Variants in TCERG1L observed in about 807,000 individuals in gnomAD.
The protein encoded by TCERG1L is transcription elongation regulator 1-like protein.
Under a neutral mutation model 56.3 loss-of-function variants are expected in TCERG1L, and 37 were observed. That is an observed-to-expected ratio of 0.66 (90% CI 0.51 to 0.87). The LOEUF (loss-of-function observed/expected upper bound fraction) is 0.87, where lower values mean the gene tolerates loss of function less well. Among genes scored for constraint, TCERG1L ranks in the 40% least tolerant of loss-of-function variants. TCERG1L has a pLI of 0.00. For missense variants in TCERG1L, 799 were observed against 774.2 expected, an observed-to-expected ratio of 1.03 and a Z score of -0.38; for synonymous variants, 324 against 326.3, an observed-to-expected ratio of 0.99 and a Z score of 0.08.
At chr10:131,309,119 G>A in intron 2 of TCERG1L, 34 bp downstream of exon 2, 1 of 1,584,430 alleles carries the variant, frequency 6.3e-7, no homozygotes, top group South Asian at 1.2e-5. Context: ...ATCATTAAAA[G>A]CCCCTTATCC....
intron 4 of TCERG1L, among the ~76,000 whole-genome samples, chr10:131,211,260 T>A (rs899030556): frequency 5.9e-5 from 9 of 152,318 alleles, no homozygotes; most frequent in Admixed American, 5.9e-4. Context: ...AGGAGGACTG[T>A]CCCTGGCCTT....
At chr10:131,241,166 C>T (rs892879377) in intron 4 of TCERG1L, among the ~76,000 whole-genome samples, 2 of 152,092 alleles carry the variant, frequency 1.3e-5, no homozygotes, top group Non-Finnish European at 2.9e-5. Flanking sequence ...GTGGAGGAGC[C>T]GCCCGCACGC....
intron 4 of TCERG1L, among the ~76,000 whole-genome samples, chr10:131,259,695 G>A (rs1846213172): frequency 6.6e-6 from 1 of 152,234 alleles, no homozygotes; most frequent in South Asian, 2.1e-4. Context: ...TCTCAGAAAG[G>A]GAGCACGTCT....
At chr10:131,308,018 C>T (rs1846833426) in intron 3 of TCERG1L, among the ~76,000 whole-genome samples, 193 bp downstream of exon 3, 1 of 152,086 alleles carries the variant, frequency 6.6e-6, no homozygotes, top group Non-Finnish European at 1.5e-5. Flanking sequence ...TATCCACCCA[C>T]CCCAGAAAAA....
At chr10:131,152,541 A>T (rs1457938618) in intron 6 of TCERG1L, among the ~76,000 whole-genome samples, 2 of 152,130 alleles carry the variant, frequency 1.3e-5, no homozygotes, top group Non-Finnish European at 2.9e-5. Context: ...GAGCCCTCCA[A>T]GTCTCTAGGA....
chr10:131,285,501 AAAGAAAGAAAGAAAGAAAGAAAGAGAG>A lies in TCERG1L; in HGVS notation c.670+22683_670+22709del, dbSNP rs772782002. Among the ~76,000 whole-genome samples the A allele has an allele frequency of 1.7e-3, 65 of 37,830 alleles. 3 individuals carry two copies. The highest frequency in any genetic ancestry group is 2.4e-3 in the South Asian group (4 of 1,672). 24.8% of individuals were successfully genotyped at this position (37,830 alleles called of 152,430 possible). On this transcript the variant is annotated intron_variant, in intron 3 of 11. Transcript: ENST00000368642. The stretch of plus-strand genomic sequence containing the variant: ...GAAAGAAAGAAAGAAAGAAAGAAAG[AAAGAAAGAAAGAAAGAAAGAAAGAGAG>A]AAAGAAAAGAAAAGAAAGAAAGGAA...
rs1024003650 is a variant in TCERG1L at position 131,261,468 on chromosome 10, C to T, written c.671-1024G>A. Among the ~76,000 whole-genome samples the T allele has an allele frequency of 4.6e-5, 7 of 152,206 alleles. 1 individual carries two copies. Among genetic ancestry groups the T allele is most frequent in the Admixed American group, 2.6e-4 (4 of 15,280 alleles). On this transcript the variant is annotated intron_variant, in intron 3 of 11. Coordinates refer to ENST00000368642, the MANE Select transcript of TCERG1L (RefSeq NM_174937.4). ...GCTAGAAATATCAGCAAAAGCAGGA[C>T]GGCTGCATGAAGGATGGTGCGCTGT...
chr10:131,115,728 G>A (rs551393749), intron 9 of TCERG1L, among the ~76,000 whole-genome samples: 1 of 152,306 alleles, frequency 6.6e-6, no homozygotes, highest in South Asian at 2.1e-4. Context: ...CCTAGGGGTG[G>A]GTGGGACCAG....
chr10:131,253,536 G>A lies in TCERG1L; in HGVS notation c.856+6723C>T, dbSNP rs76804173. Among the ~76,000 whole-genome samples the A allele has an allele frequency of 8.6e-4, 131 of 152,290 alleles. 1 individual carries two copies. The East Asian group carries it at 0.021, about 24-fold the overall frequency. On this transcript the variant is annotated intron_variant, in intron 4 of 11. Transcript: ENST00000368642. ...CCTGAGCTTCCCATCAGAGATTCCG[G>A]TTAATGCTGAGCTGACCAGCATATT...
At chr10:131,249,405 A>G (rs542498574) in intron 4 of TCERG1L, among the ~76,000 whole-genome samples, 1 of 151,436 alleles carries the variant, frequency 6.6e-6, no homozygotes, top group East Asian at 2.0e-4. Flanking sequence ...CAGCCCTGAC[A>G]ATGGCTCCAC....
rs1589764589 is a variant in TCERG1L, at chr10:131,260,181, G to T, written c.856+78C>A. ...CAGGTCCCACAGCGCCTGGGCCCAG[G>T]CCAGGGGCATCTAACCAGGAAGCCT... On this transcript the variant is annotated intron_variant, in intron 4 of 11. Coordinates refer to ENST00000368642, the MANE Select transcript of TCERG1L (RefSeq NM_174937.4). The surrounding 1 kb of genome is among the most constrained non-coding windows in gnomAD (Gnocchi z 5.8). 1 of 1,264,662 alleles carries T rather than the reference G, an allele frequency of 7.9e-7. No individual in the cohort carries two copies. The highest frequency in any genetic ancestry group is 3.1e-5 in the East Asian group (1 of 32,162). 78.3% of individuals were successfully genotyped at this position (1,264,662 alleles called of 1,614,324 possible).
At chr10:131,201,143 C>T (rs1845429837) in intron 4 of TCERG1L, among the ~76,000 whole-genome samples, 1 of 152,232 alleles carries the variant, frequency 6.6e-6, no homozygotes, top group African/African-American at 2.4e-5. Flanking sequence ...TTGGAACCAT[C>T]ACAAGAGGTG....
At chr10:131,278,685 C>A (rs1207477465) in intron 3 of TCERG1L, among the ~76,000 whole-genome samples, 2 of 152,180 alleles carry the variant, frequency 1.3e-5, no homozygotes, top group African/African-American at 4.8e-5. Flanking sequence ...TGTCTCTTCC[C>A]TGCCGCGGAG....
At chr10:131,234,468 T>C (rs1845890951) in intron 4 of TCERG1L, among the ~76,000 whole-genome samples, 1 of 152,218 alleles carries the variant, frequency 6.6e-6, no homozygotes, top group Non-Finnish European at 1.5e-5. Flanking sequence ...CTTTTTTTTA[T>C]TTTAGAAAAG....
intron 9 of TCERG1L, among the ~76,000 whole-genome samples, chr10:131,110,334 C>G (rs1589776988): frequency 6.6e-6 from 1 of 152,192 alleles, no homozygotes; most frequent in African/African-American, 2.4e-5. Flanking sequence ...CTCACACCCT[C>G]TAAAACTTCT....
intron 11 of TCERG1L, chr10:131,095,776 TAGC>T (rs1171647681): frequency 6.6e-6 from 1 of 152,084 alleles, no homozygotes; most frequent in African/African-American, 2.4e-5. Flanking sequence ...TTTTAAAAAA[TAGC>T]AGGCAATTAA....
At chr10:131,177,967 A>G (rs934232150) in intron 4 of TCERG1L, among the ~76,000 whole-genome samples, 4 of 151,768 alleles carry the variant, frequency 2.6e-5, no homozygotes, top group African/African-American at 9.7e-5. Flanking sequence ...CTTTTTCTCT[A>G]GAAACAGACC....
chr10:131,231,275 G>C (rs1002793866), intron 4 of TCERG1L, among the ~76,000 whole-genome samples: 6 of 152,220 alleles, frequency 3.9e-5, no homozygotes, highest in African/African-American at 7.2e-5. Context: ...TGGCTCCTAA[G>C]CTGTGATCAT....
intron 4 of TCERG1L, among the ~76,000 whole-genome samples, chr10:131,174,151 A>G (rs1260845814): frequency 6.6e-6 from 1 of 152,146 alleles, no homozygotes; most frequent in Admixed American, 6.5e-5. Flanking sequence ...TCTGCTGCAC[A>G]GACCTGCTGA....
Sources: gnomAD v4.1 joint callset for allele counts (sites outside exome capture counted in the v4.1 genomes callset) on GRCh38, gnomAD v4.1.1 for gene constraint, Gnocchi (gnomAD v3.1) non-coding constraint, MANE v1.5 for transcripts, NCBI Gene and HGNC (gene_info 2026-07-23, HGNC 2026-07-21) for gene names.